PLAGL2: variants seen among roughly 807,000 people sequenced by gnomAD.
PLAGL2 encodes PLAG1 like zinc finger 2, also known as zinc finger protein PLAGL2.
A neutral mutation model predicts 29.0 loss-of-function variants in PLAGL2; 7 were observed. That is an observed-to-expected ratio of 0.24 (90% CI 0.14 to 0.45). PLAGL2 has a LOEUF of 0.45. PLAGL2 is among the 20% of genes least tolerant of loss of function. The pLI, the probability that PLAGL2 is intolerant of heterozygous loss-of-function variation, is 0.99. For synonymous variants in PLAGL2, 234 were observed against 266.0 expected (o/e 0.88, Z 1.17); for missense variants, 454 against 648.2 (o/e 0.70, Z 3.25).
At chr20:32,200,115 C>G (rs755985967) in intron 2 of PLAGL2, among the ~76,000 whole-genome samples, 1 of 152,234 alleles carries the variant, frequency 6.6e-6, no homozygotes, top group Non-Finnish European at 1.5e-5. Context: ...GGACCAGCAC[C>G]CCCATCTGTC....
intron 1 of PLAGL2, among the ~76,000 whole-genome samples, chr20:32,206,286 A>G (rs1219134303): frequency 6.6e-6 from 1 of 152,142 alleles, no homozygotes; most frequent in Non-Finnish European, 1.5e-5. Context: ...TGGTGGGAGA[A>G]TTAAATTACA....
At chr20:32,202,436 TTCC>T (rs1376412898) in intron 1 of PLAGL2, 144 bp from the exon 2 acceptor site, 2 of 528,504 alleles carry the variant, frequency 3.8e-6, no homozygotes, top group Non-Finnish European at 6.7e-6. Flanking sequence ...CCTGAGCTGT[TTCC>T]TCATTTATAA....
intron 1 of PLAGL2, among the ~76,000 whole-genome samples, chr20:32,204,617 A>G (rs575720922): frequency 1.3e-5 from 2 of 152,326 alleles, no homozygotes; most frequent in African/African-American, 4.8e-5. Context: ...AGTCACCAGC[A>G]GCCTCTTGGA....
At position 32,195,659 on chromosome 20, in the gene PLAGL2, T is replaced by C. The variant is rs1056943454; in HGVS notation, c.*793A>G. On this transcript the variant is annotated 3_prime_UTR_variant, in exon 3 of 3. Transcript: ENST00000246229. Reference sequence around the variant, plus strand: ...AGTTTATTTCCCCACGGGGGAAAAATGTGACCTCAAATGAAGAGAAGTCAG... The same window carrying C: ...AGTTTATTTCCCCACGGGGGAAAAACGTGACCTCAAATGAAGAGAAGTCAG... 1.3e-5 allele frequency: 2 copies of C among 152,656 alleles called. No individual in the cohort carries two copies. The highest frequency in any genetic ancestry group is 1.9e-4 in the East Asian group (1 of 5,180). 9.5% of individuals were successfully genotyped at this position (152,656 alleles called of 1,614,324 possible).
chr20:32,199,796 C>T (rs999117239), intron 2 of PLAGL2, among the ~76,000 whole-genome samples: 5 of 151,780 alleles, frequency 3.3e-5, no homozygotes, highest in Admixed American at 2.0e-4. Flanking sequence ...GTTATAATCA[C>T]GCCACTATAC....
chr20:32,202,364 C>T, intron 1 of PLAGL2, 72 bp from the exon 2 acceptor site: 2 of 610,044 alleles, frequency 3.3e-6, no homozygotes, highest in Non-Finnish European at 5.8e-6. Context: ...GCAGACAGAT[C>T]CCGTTCCAAT....
At chr20:32,205,025 A>T (rs937638104) in intron 1 of PLAGL2, among the ~76,000 whole-genome samples, 9 of 152,186 alleles carry the variant, frequency 5.9e-5, no homozygotes, top group African/African-American at 1.9e-4. Flanking sequence ...GGGAAACCAT[A>T]GGCAGGTTAC....
chr20:32,204,589 C>T (rs779190649), intron 1 of PLAGL2, among the ~76,000 whole-genome samples: 7 of 152,206 alleles, frequency 4.6e-5, no homozygotes, highest in Non-Finnish European at 7.3e-5. Flanking sequence ...TCAAAAGGCA[C>T]AGGAAGTCCC....
At position 32,195,226 on chromosome 20, in the gene PLAGL2, C is replaced by T. The variant is rs1238935036; in HGVS notation, c.*1226G>A. The T allele has an allele frequency of 6.6e-6, 1 of 152,380 alleles. No homozygotes were observed. The highest frequency in any genetic ancestry group is 2.4e-5 in the African/African-American group (1 of 41,452). 9.4% of individuals were successfully genotyped at this position (152,380 alleles called of 1,614,324 possible). On this transcript the variant is annotated 3_prime_UTR_variant, in exon 3 of 3. Transcript: ENST00000246229. ...ACAACAATGTACCCATAGATTAGGA[C>T]TTAGCTATCTACCCATTCCTAACCT...
intron 1 of PLAGL2, among the ~76,000 whole-genome samples, chr20:32,205,530 C>T (rs1368761847): frequency 1.3e-5 from 2 of 152,188 alleles, no homozygotes; most frequent in East Asian, 1.9e-4. Flanking sequence ...GAAACTGAGA[C>T]ATATTTCTCC....
In PLAGL2 at chr20:32,196,195, G is replaced by A. The variant is rs1402819495; in HGVS notation, c.*257C>T. 6.5e-6 allele frequency: 2 copies of A among 309,386 alleles called. No individual in the cohort carries two copies. The highest frequency in any genetic ancestry group is 1.0e-4 in the East Asian group (2 of 19,392). 19.2% of individuals were successfully genotyped at this position (309,386 alleles called of 1,614,324 possible). A position where few individuals can be genotyped will look rare whatever the true frequency, so the allele number is the denominator to read the frequency against. On this transcript the variant is annotated 3_prime_UTR_variant, in exon 3 of 3. Transcript: ENST00000246229. ...AGGGCCAAGTGTGGCTCCCGATTCA[G>A]GTCAAAAAAATAAAAGTAAATAATA... is the stretch of plus-strand genomic sequence containing the variant.
Position 32,192,871 on chromosome 20 carries a change from A to C in PLAGL2, c.*3581T>G, listed in dbSNP as rs2047208126. On this transcript the variant is annotated 3_prime_UTR_variant, in exon 3 of 3. Coordinates refer to ENST00000246229, the MANE Select transcript of PLAGL2 (RefSeq NM_002657.3). Reference sequence around the variant, plus strand: ...GAGGTGCAAGTGGGAACAATCAGCTAAGGAAGTCAGCTGACACACAAAGAA... The same window carrying C: ...GAGGTGCAAGTGGGAACAATCAGCTCAGGAAGTCAGCTGACACACAAAGAA... 1 of 152,568 alleles carries C rather than the reference A, an allele frequency of 6.6e-6. No homozygotes were observed. The highest frequency in any genetic ancestry group is 1.5e-5 in the Non-Finnish European group (1 of 68,048). 9.5% of individuals were successfully genotyped at this position (152,568 alleles called of 1,614,324 possible). A position where few individuals can be genotyped will look rare whatever the true frequency, so the allele number is the denominator to read the frequency against.
At position 32,195,411 on chromosome 20, in the gene PLAGL2, C is replaced by A. The variant is rs1056740806; in HGVS notation, c.*1041G>T. 1.9e-4 allele frequency: 29 copies of A among 152,772 alleles called. No individual in the cohort carries two copies. The highest frequency in any genetic ancestry group is 6.7e-4 in the African/African-American group (28 of 41,564). 9.5% of individuals were successfully genotyped at this position (152,772 alleles called of 1,614,324 possible). A position where few individuals can be genotyped will look rare whatever the true frequency, so the allele number is the denominator to read the frequency against. On this transcript the variant is annotated 3_prime_UTR_variant, in exon 3 of 3. Coordinates refer to ENST00000246229, the MANE Select transcript of PLAGL2 (RefSeq NM_002657.3). Reference sequence around the variant, plus strand: ...CAGCTCATGATGTTCAAGGTGGGGACTAGGGGATGGGGAGGTGACGGACGT... The same window carrying A: ...CAGCTCATGATGTTCAAGGTGGGGAATAGGGGATGGGGAGGTGACGGACGT...
In PLAGL2 at chr20:32,195,675, G is replaced by A. The variant is rs1044445581; in HGVS notation, c.*777C>T. 6.6e-6 allele frequency: 1 copy of A among 152,668 alleles called. No individual in the cohort carries two copies. Among genetic ancestry groups the A allele is most frequent in the Non-Finnish European group, 1.5e-5 (1 of 68,084 alleles). The allele number at this position is 152,668 out of a possible 1,614,324, so 9.5% of individuals were successfully genotyped here. Reference sequence around the variant, plus strand: ...GGGGAAAAATGTGACCTCAAATGAAGAGAAGTCAGCAAGCCCCGACTCCAC... The same window carrying A: ...GGGGAAAAATGTGACCTCAAATGAAAAGAAGTCAGCAAGCCCCGACTCCAC... On this transcript the variant is annotated 3_prime_UTR_variant, in exon 3 of 3. Coordinates refer to ENST00000246229, the MANE Select transcript of PLAGL2 (RefSeq NM_002657.3).
chr20:32,200,545 G>A (rs2047253843), intron 2 of PLAGL2, among the ~76,000 whole-genome samples: 1 of 152,006 alleles, frequency 6.6e-6, no homozygotes, highest in African/African-American at 2.4e-5. Flanking sequence ...CATTTCTAAA[G>A]GGCAAGTTCA....
intron 2 of PLAGL2, among the ~76,000 whole-genome samples, chr20:32,199,389 C>A (rs180690538): frequency 3.9e-5 from 6 of 152,246 alleles, no homozygotes; most frequent in African/African-American, 1.4e-4. Flanking sequence ...TTTTCATTTC[C>A]CTCATTTTGC....
At chr20:32,202,315 G>A (rs1364030096) in intron 1 of PLAGL2, 23 bp from the exon 2 acceptor site, 2 of 810,056 alleles carry the variant, frequency 2.5e-6, no homozygotes, top group Non-Finnish European at 3.9e-6. Flanking sequence ...AACACCTGGT[G>A]TTAGGGAGCC....
Position 32,194,619 on chromosome 20 carries a change from A to T in PLAGL2, c.*1833T>A, listed in dbSNP as rs918764242. 3 of 152,670 alleles carry T rather than the reference A, an allele frequency of 2.0e-5. No homozygotes were observed. Among genetic ancestry groups the T allele is most frequent in the African/African-American group, 7.2e-5 (3 of 41,458 alleles). The allele number at this position is 152,670 out of a possible 1,614,324, so 9.5% of individuals were successfully genotyped here. A position where few individuals can be genotyped will look rare whatever the true frequency, so the allele number is the denominator to read the frequency against. On this transcript the variant is annotated 3_prime_UTR_variant, in exon 3 of 3. Coordinates refer to ENST00000246229, the MANE Select transcript of PLAGL2 (RefSeq NM_002657.3). ...AGTACTGGCTTAGGCTGAAGCAGAA[A>T]GCTGAGTCCTGGACCTGCTCAGTTC... is the stretch of plus-strand genomic sequence containing the variant.
chr20:32,196,538 A>G lies in PLAGL2; in HGVS notation c.1405T>C (p.Phe469Leu). The G allele has an allele frequency of 6.5e-7, 1 of 1,537,602 alleles. No homozygotes were observed. Among genetic ancestry groups the G allele is most frequent in the Non-Finnish European group, 8.7e-7 (1 of 1,147,296 alleles). The change falls in exon 3 of 3, where the codon TTT becomes CTT. Residue 469 changes from phenylalanine to leucine, a missense_variant. By Grantham distance (22) the Phe-to-Leu change is conservative. Coordinates refer to ENST00000246229, the MANE Select transcript of PLAGL2 (RefSeq NM_002657.3). ...GGAGGCAAGGAGTGCAGAGGCCCAAAGTTCAGTGGTCCCCCAGCTCCTGGG... is the reference window on the plus strand; with the variant it reads ...GGAGGCAAGGAGTGCAGAGGCCCAAGGTTCAGTGGTCCCCCAGCTCCTGGG... ...DSPGAGGPLNFGPLHSLPPVF... is the reference protein window; with the variant it reads ...DSPGAGGPLNLGPLHSLPPVF...
Sources: allele counts gnomAD v4.1 joint callset (sites outside exome capture counted in the v4.1 genomes callset), GRCh38; gene constraint gnomAD v4.1.1; transcripts MANE v1.5; gene names NCBI Gene and HGNC (gene_info 2026-07-23, HGNC 2026-07-21).